Variants in ATL3 observed in about 807,000 individuals in gnomAD.
The protein encoded by ATL3 is atlastin GTPase 3.
ATL3 carries 49 observed loss-of-function variants against 69.5 expected under a neutral mutation model. The ratio of observed to expected loss-of-function variants is 0.71; its 90% CI spans 0.56 to 0.89. The LOEUF is 0.89. Ranked by LOEUF, ATL3 falls within the 40% of genes least tolerant of loss-of-function variation. The probability of loss-of-function intolerance (pLI) is 0.00; values close to 1 mark genes in which losing one functional copy is unlikely to be tolerated. For synonymous variants in ATL3, 214 were observed against 224.1 expected, an observed-to-expected ratio of 0.95 and a Z score of 0.40; for missense variants, 606 against 645.7, an observed-to-expected ratio of 0.94 and a Z score of 0.67.
chr11:63,660,683 T>C (rs1306290916), intron 1 of ATL3, among the ~76,000 whole-genome samples: 1 of 151,974 alleles, frequency 6.6e-6, no homozygotes, highest in Admixed American at 6.6e-5. Flanking sequence ...GGCAGGAGGA[T>C]TACTTGGGCC....
chr11:63,650,883 A>G (rs1940054553), intron 5 of ATL3: 1 of 152,270 alleles, frequency 6.6e-6, no homozygotes, highest in African/African-American at 2.4e-5. Context: ...GCACTGGTAC[A>G]GAACTACCAA....
chr11:63,655,611 C>G lies in ATL3; in HGVS notation c.406-3036G>C, dbSNP rs533249572. Among the ~76,000 whole-genome samples the G allele has an allele frequency of 2.2e-4, 34 of 151,684 alleles. No individual in the cohort carries two copies. In the South Asian group the frequency reaches 7.1e-3, roughly 32 times the overall value. On this transcript the variant is annotated intron_variant, in intron 3 of 12. Coordinates refer to ENST00000398868, the MANE Select transcript of ATL3 (RefSeq NM_015459.5). ...TACAGGCATGACCCATCACACCCAG[C>G]TAATTTTTTGTATTTAGTAGAGATG... is the stretch of plus-strand genomic sequence containing the variant.
Position 63,631,032 on chromosome 11 carries a change from C to T in ATL3, c.1539+8G>A. 2.5e-6 allele frequency: 4 copies of T among 1,601,242 alleles called. No homozygotes were observed. The highest frequency in any genetic ancestry group is 2.2e-5 in the East Asian group (1 of 44,772). On this transcript the variant is annotated splice_region_variant and intron_variant, in intron 12 of 12. Coordinates refer to ENST00000398868, the MANE Select transcript of ATL3 (RefSeq NM_015459.5). ...TCAACCCTCAGGCTCTTCAGCAGCA[C>T]CACTTACCTGCTCCAACACATATGC...
intron 8 of ATL3, among the ~76,000 whole-genome samples, chr11:63,639,571 T>C (rs1395553408): frequency 1.3e-5 from 2 of 151,612 alleles, no homozygotes; most frequent in Admixed American, 6.6e-5. Context: ...CTGGGCAACA[T>C]AGGGAGACCC....
In ATL3 at chr11:63,659,127, G is replaced by C; in HGVS notation, c.172C>G (p.Leu58Val). 2 of 1,614,056 alleles carry C rather than the reference G, an allele frequency of 1.2e-6. No homozygotes were observed. Among genetic ancestry groups the C allele is most frequent in the Non-Finnish European group, 1.7e-6 (2 of 1,180,002 alleles). The change falls in exon 2 of 13, where the codon CTT becomes GTT. Residue 58 changes from leucine (L) to valine (V), a missense_variant. By Grantham distance (32) the Leu-to-Val change is conservative. Transcript: ENST00000398868. Reference sequence around the variant, plus strand: ...GCCACTGAAACCACCACCACATCAAGATCTCGGATGTGGTCCTGCAAGAGG... The same window carrying C: ...GCCACTGAAACCACCACCACATCAACATCTCGGATGTGGTCCTGCAAGAGG... ...SILLQDHIRD[L>V]DVVVVSVAGA...
chr11:63,671,173 G>A, intron 1 of ATL3, 117 bp downstream of exon 1: 1 of 1,410,530 alleles, frequency 7.1e-7, no homozygotes, highest in Non-Finnish European at 9.3e-7. Context: ...AGGGACGCGC[G>A]GTCCCAGCCC....
chr11:63,627,709 A>G lies in ATL3; in HGVS notation c.*1610T>C, dbSNP rs1008444228. On this transcript the variant is annotated 3_prime_UTR_variant, in exon 13 of 13. Transcript: ENST00000398868. ...AAGTTTTAAAATCCACAATAATTCC[A>G]AAAGGAAAAGCAACTAACAGATAAA... is the stretch of plus-strand genomic sequence containing the variant. 7 of 152,326 alleles carry G rather than the reference A, an allele frequency of 4.6e-5. No individual in the cohort carries two copies. The highest frequency in any genetic ancestry group is 1.7e-4 in the African/African-American group (7 of 41,582). The allele number at this position is 152,326 out of a possible 1,614,324, so 9.4% of individuals were successfully genotyped here. A position where few individuals can be genotyped will look rare whatever the true frequency, so the allele number is the denominator to read the frequency against.
intron 1 of ATL3, among the ~76,000 whole-genome samples, chr11:63,667,369 G>A (rs560630118): frequency 1.5e-4 from 23 of 150,348 alleles, no homozygotes; most frequent in African/African-American, 5.1e-4. Flanking sequence ...TTGCTCTGTC[G>A]CCCAGGCTGG....
In ATL3 at chr11:63,671,364, CA is replaced by C. The variant is rs770741216; in HGVS notation, c.-30del. ...GCCTCCGCCTTCAAAGCAGAAGCAG[CA>C]GGGGTGCAGAGGAGAGGGACGGGTG... On this transcript the variant is annotated 5_prime_UTR_variant, in exon 1 of 13. Coordinates refer to ENST00000398868, the MANE Select transcript of ATL3 (RefSeq NM_015459.5). 3.8e-6 allele frequency: 6 copies of C among 1,569,608 alleles called. No homozygotes were observed. Among genetic ancestry groups the C allele is most frequent in the Non-Finnish European group, 5.2e-6 (6 of 1,160,502 alleles).
Position 63,629,257 on chromosome 11 carries a change from G to C in ATL3, c.*62C>G. The C allele has an allele frequency of 1.4e-6, 2 of 1,386,102 alleles. No individual in the cohort carries two copies. Among genetic ancestry groups the C allele is most frequent in the Non-Finnish European group, 2.1e-6 (2 of 973,510 alleles). The allele number at this position is 1,386,102 out of a possible 1,614,324, so 85.9% of individuals were successfully genotyped here. On this transcript the variant is annotated 3_prime_UTR_variant, in exon 13 of 13. Coordinates refer to ENST00000398868, the MANE Select transcript of ATL3 (RefSeq NM_015459.5). ...CCTCTGGATATGAACCTGTGGCCGTGGCAGAAACCCAGAAATCAGTAGGGG... is the reference window on the plus strand; with the variant it reads ...CCTCTGGATATGAACCTGTGGCCGTCGCAGAAACCCAGAAATCAGTAGGGG...
intron 9 of ATL3, 108 bp downstream of exon 9, chr11:63,636,099 T>C: frequency 7.0e-7 from 1 of 1,424,724 alleles, no homozygotes; most frequent in Non-Finnish European, 9.5e-7. Flanking sequence ...TCTCACCATC[T>C]CCCCCAGAAA....
chr11:63,652,365 A>G, intron 4 of ATL3, 106 bp downstream of exon 4: 1 of 711,262 alleles, frequency 1.4e-6, no homozygotes, highest in South Asian at 3.4e-5. Flanking sequence ...AATAATATTT[A>G]CATATCATCC....
intron 7 of ATL3, 144 bp downstream of exon 7, chr11:63,644,025 A>C (rs1939785312): frequency 1.6e-6 from 1 of 607,000 alleles, no homozygotes; most frequent in Non-Finnish European, 2.8e-6. Context: ...GTCAAGAATA[A>C]ATATTAGCTT....
chr11:63,646,073 T>TA lies in ATL3; in HGVS notation c.618+433dup, dbSNP rs375212236. ...GCCACTGTACCTACCCCCATTTTTTTAAGAGATGTCTTGCTATGTTGCCCA... is the reference window on the plus strand; with the variant it reads ...GCCACTGTACCTACCCCCATTTTTTTAAAGAGATGTCTTGCTATGTTGCCCA... On this transcript the variant is annotated intron_variant, in intron 6 of 12. Transcript: ENST00000398868. Among the ~76,000 whole-genome samples, 962 of 151,064 alleles carry TA rather than the reference T, an allele frequency of 6.4e-3. 8 individuals are homozygous for TA. The highest frequency in any genetic ancestry group is 0.022 in the African/African-American group (895 of 41,158).
chr11:63,628,370 G>A lies in ATL3; in HGVS notation c.*949C>T, dbSNP rs375629908. On this transcript the variant is annotated 3_prime_UTR_variant, in exon 13 of 13. Transcript: ENST00000398868. ...TTGCAACAAAACTGTCAGCCTACTG[G>A]GTAAAAACCTCACATTTCAGAGTAT... 7.9e-4 allele frequency: 120 copies of A among 151,430 alleles called. No individual in the cohort carries two copies. Among genetic ancestry groups the A allele is most frequent in the African/African-American group, 2.8e-3 (116 of 41,296 alleles). The allele number at this position is 151,430 out of a possible 1,614,324, so 9.4% of individuals were successfully genotyped here. A position where few individuals can be genotyped will look rare whatever the true frequency, so the allele number is the denominator to read the frequency against.
rs1045797360 is a variant in ATL3 at position 63,628,496 on chromosome 11, T to A, written c.*823A>T. On this transcript the variant is annotated 3_prime_UTR_variant, in exon 13 of 13. Transcript: ENST00000398868. ...TAATGACATCATTTTCAGTTAGTCTTTAGTTCTGAAGTTTCTCCAAGTTCT... is the reference window on the plus strand; with the variant it reads ...TAATGACATCATTTTCAGTTAGTCTATAGTTCTGAAGTTTCTCCAAGTTCT... 1.3e-5 allele frequency: 2 copies of A among 152,152 alleles called. No individual in the cohort carries two copies. Among genetic ancestry groups the A allele is most frequent in the African/African-American group, 4.8e-5 (2 of 41,436 alleles). The allele number at this position is 152,152 out of a possible 1,614,324, so 9.4% of individuals were successfully genotyped here.
intron 8 of ATL3, among the ~76,000 whole-genome samples, chr11:63,641,480 T>C (rs1022431516): frequency 3.3e-5 from 5 of 152,078 alleles, no homozygotes; most frequent in Admixed American, 3.3e-4. Context: ...AAGACTGGTG[T>C]GCTCACAAGA....
Position 63,644,177 on chromosome 11 carries a change from G to T in ATL3, c.703C>A (p.Arg235Ser). Reference protein sequence around the residue: ...LQGGMAFLDKRLQVKEHQHEE... With the variant: ...LQGGMAFLDKSLQVKEHQHEE... ...ATTATAGTCCCACTTACCTGTAAAC[G>T]CTTATCCAAAAATGCCATTCCTCCT... Residue 235 changes from arginine to serine, a missense_variant, in exon 7 of 13, where the codon CGT becomes AGT. Arg to Ser is a moderately radical substitution (Grantham distance 110, BLOSUM62 -1). Coordinates refer to ENST00000398868, the MANE Select transcript of ATL3 (RefSeq NM_015459.5). The T allele has an allele frequency of 1.2e-6, 2 of 1,602,258 alleles. No individual in the cohort carries two copies. The highest frequency in any genetic ancestry group is 1.7e-6 in the Non-Finnish European group (2 of 1,171,708).
At position 63,667,489 on chromosome 11, in the gene ATL3, C is replaced by T. The variant is rs1940611275; in HGVS notation, c.46+3801G>A. On this transcript the variant is annotated intron_variant, in intron 1 of 12. Coordinates refer to ENST00000398868, the MANE Select transcript of ATL3 (RefSeq NM_015459.5). ...GGATTCCTGAGAAGTGGGCCGGGTGCAATGGCTCACGCCTGTAATCCCACC... is the reference window on the plus strand; with the variant it reads ...GGATTCCTGAGAAGTGGGCCGGGTGTAATGGCTCACGCCTGTAATCCCACC... Among the ~76,000 whole-genome samples the T allele has an allele frequency of 2.0e-5, 3 of 151,974 alleles. No homozygotes were observed. The South Asian group carries it at 6.2e-4, about 31-fold the overall frequency.
Sources: gnomAD v4.1 joint callset for allele counts (sites outside exome capture counted in the v4.1 genomes callset) on GRCh38, gnomAD v4.1.1 for gene constraint, MANE v1.5 for transcripts, NCBI Gene and HGNC (gene_info 2026-07-23, HGNC 2026-07-21) for gene names.